AVL9: variants seen among roughly 807,000 people sequenced by gnomAD.
AVL9 encodes AVL9 cell migration associated.
In AVL9, 49 loss-of-function variants were observed where a neutral mutation model predicts 79.2. That is an observed-to-expected ratio of 0.62 (90% CI 0.49 to 0.79). The LOEUF (loss-of-function observed/expected upper bound fraction) is 0.79. Among genes scored for constraint, AVL9 ranks in the 30% least tolerant of loss-of-function variants. The pLI is 0.00. For missense variants in AVL9, 682 were observed against 776.8 expected (o/e 0.88, Z 1.45); for synonymous variants, 299 against 280.6 (o/e 1.07, Z -0.65).
intron 6 of AVL9, among the ~76,000 whole-genome samples, chr7:32,552,737 G>A (rs956694727): frequency 2.6e-5 from 4 of 151,516 alleles, no homozygotes; most frequent in Non-Finnish European, 4.4e-5. Flanking sequence ...TTTGTTTTGG[G>A]TTTTTTTTGT....
At chr7:32,570,968 G>C (rs544018662) in intron 11 of AVL9, among the ~76,000 whole-genome samples, 1 of 142,066 alleles carries the variant, frequency 7.0e-6, no homozygotes. Flanking sequence ...AGTGGCTCAC[G>C]CCTGTAATCC....
intron 1 of AVL9, chr7:32,534,292 AG>A (rs1464259796): frequency 6.6e-6 from 1 of 152,222 alleles, no homozygotes; most frequent in African/African-American, 2.4e-5. Context: ...TTACATACAA[AG>A]TCATATTTGA....
rs1470370733 is a variant in AVL9 at position 32,575,249 on chromosome 7, C to T, written c.1571-706C>T. ...GAGTAGCTGGGACTACAGGTACCCG[C>T]CACCACGCCTGGCTAATTTTTGTAT... On this transcript the variant is annotated intron_variant, in intron 12 of 15. Coordinates refer to ENST00000318709, the MANE Select transcript of AVL9 (RefSeq NM_015060.3). Among the ~76,000 whole-genome samples the T allele has an allele frequency of 2.6e-5, 4 of 152,138 alleles. No individual in the cohort carries two copies. The East Asian group carries it at 7.7e-4, about 29-fold the overall frequency.
chr7:32,507,671 C>T (rs1787467511), intron 1 of AVL9, among the ~76,000 whole-genome samples: 1 of 152,150 alleles, frequency 6.6e-6, no homozygotes, highest in Non-Finnish European at 1.5e-5. Context: ...TCGGTTGTTT[C>T]ATCATGGGCA....
At chr7:32,557,969 C>T (rs1290711474) in intron 8 of AVL9, among the ~76,000 whole-genome samples, 2 of 151,454 alleles carry the variant, frequency 1.3e-5, no homozygotes, top group Admixed American at 1.3e-4. Context: ...AATTCTCCTG[C>T]CTCAGCCTCC....
At chr7:32,522,224 T>C (rs1478811694) in intron 1 of AVL9, among the ~76,000 whole-genome samples, 1 of 152,112 alleles carries the variant, frequency 6.6e-6, no homozygotes, top group Non-Finnish European at 1.5e-5. Context: ...CCCAGAATGG[T>C]AGATCCACTG....
intron 8 of AVL9, among the ~76,000 whole-genome samples, chr7:32,556,548 T>C (rs1007885791): frequency 4.0e-5 from 3 of 75,570 alleles, no homozygotes; most frequent in Non-Finnish European, 8.6e-5. Flanking sequence ...TGAATGAGTA[T>C]TCCTTCAAAC....
intron 10 of AVL9, among the ~76,000 whole-genome samples, chr7:32,563,415 G>A (rs532431760): frequency 6.6e-6 from 1 of 151,476 alleles, no homozygotes; most frequent in Admixed American, 6.6e-5. Flanking sequence ...ACTATGCTGG[G>A]GTTAATTTAG....
At chr7:32,502,590 A>G (rs970015140) in intron 1 of AVL9, among the ~76,000 whole-genome samples, 2 of 152,154 alleles carry the variant, frequency 1.3e-5, no homozygotes, top group Admixed American at 1.3e-4. Context: ...GTGGCATTCT[A>G]ATTTTTCACT....
chr7:32,548,788 A>G, intron 3 of AVL9, 59 bp from the exon 4 acceptor site: 1 of 1,233,782 alleles, frequency 8.1e-7, no homozygotes, highest in Non-Finnish European at 1.1e-6. Context: ...ATGTTGAAAA[A>G]ATATTTTTGA....
At chr7:32,531,209 C>G (rs1788631975) in intron 1 of AVL9, among the ~76,000 whole-genome samples, 1 of 152,096 alleles carries the variant, frequency 6.6e-6, no homozygotes. Context: ...GCTACTTGGC[C>G]TCAGTCTAGA....
chr7:32,543,672 G>C (rs1013880184), intron 2 of AVL9, among the ~76,000 whole-genome samples: 3 of 152,204 alleles, frequency 2.0e-5, no homozygotes, highest in African/African-American at 7.2e-5. Context: ...GATTGTTTTT[G>C]TGCCTCTGGA....
intron 1 of AVL9, among the ~76,000 whole-genome samples, chr7:32,509,987 T>G (rs1392575921): frequency 6.6e-6 from 1 of 152,270 alleles, no homozygotes; most frequent in Non-Finnish European, 1.5e-5. Flanking sequence ...TGTAACTTAC[T>G]GAGGCTGAAT....
In AVL9 at chr7:32,585,666, A is replaced by G. The variant is rs1404408806; in HGVS notation, c.*1759A>G. 1 of 152,246 alleles carries G rather than the reference A, an allele frequency of 6.6e-6. No individual in the cohort carries two copies. The highest frequency in any genetic ancestry group is 1.5e-5 in the Non-Finnish European group (1 of 68,042). 9.4% of individuals were successfully genotyped at this position (152,246 alleles called of 1,614,324 possible). On this transcript the variant is annotated 3_prime_UTR_variant, in exon 16 of 16. Coordinates refer to ENST00000318709, the MANE Select transcript of AVL9 (RefSeq NM_015060.3). The stretch of plus-strand genomic sequence containing the variant: ...TGAAATGAACATAGAAACATAATCT[A>G]AATGTCTCTAAATTTTCCACTTTGT...
intron 12 of AVL9, among the ~76,000 whole-genome samples, chr7:32,574,712 TCA>T (rs1444260743): frequency 7.1e-5 from 1 of 13,988 alleles, no homozygotes; most frequent in African/African-American, 3.0e-4. Flanking sequence ...AAAATGAAGC[TCA>T]CAGAGGTTCA....
intron 1 of AVL9, among the ~76,000 whole-genome samples, chr7:32,539,587 CCT>C (rs1436314770): frequency 6.6e-6 from 1 of 152,148 alleles, no homozygotes; most frequent in Admixed American, 6.5e-5. Context: ...GGTTAGGGTG[CCT>C]CTGACACTGT....
chr7:32,555,392 T>C (rs567757720), intron 8 of AVL9, among the ~76,000 whole-genome samples: 7 of 152,204 alleles, frequency 4.6e-5, no homozygotes, highest in South Asian at 2.1e-4. Flanking sequence ...TTTGGGCCTA[T>C]TACAGGCCAC....
chr7:32,521,128 A>G (rs1434689329), intron 1 of AVL9, among the ~76,000 whole-genome samples: 2 of 152,112 alleles, frequency 1.3e-5, no homozygotes, highest in Non-Finnish European at 2.9e-5. Flanking sequence ...AGTCTCGGGT[A>G]TGTCTTTATC....
At chr7:32,529,728 T>A (rs974035839) in intron 1 of AVL9, among the ~76,000 whole-genome samples, 3 of 152,092 alleles carry the variant, frequency 2.0e-5, no homozygotes, top group Non-Finnish European at 2.9e-5. Context: ...GTGTAACTTA[T>A]AAACAATAAA....
Sources: allele counts gnomAD v4.1 joint callset (sites outside exome capture counted in the v4.1 genomes callset), GRCh38; gene constraint gnomAD v4.1.1; transcripts MANE v1.5; gene names NCBI Gene and HGNC (gene_info 2026-07-23, HGNC 2026-07-21).